HS6ST3: variants seen among roughly 807,000 people sequenced by gnomAD.
The protein encoded by HS6ST3 is heparan sulfate 6-O-sulfotransferase 3.
In HS6ST3, 12 loss-of-function variants were observed where a neutral mutation model predicts 36.7. The observed-to-expected ratio is 0.33, with a 90% CI of 0.21 to 0.53. The LOEUF is 0.53. Ranked by LOEUF, HS6ST3 falls within the 20% of genes least tolerant of loss-of-function variation. The pLI, the probability that HS6ST3 is intolerant of heterozygous loss-of-function variation, is 0.95. For synonymous variants in HS6ST3, 240 were observed against 257.5 expected (o/e 0.93, Z 0.65); for missense variants, 584 against 640.9 (o/e 0.91, Z 0.96).
At chr13:96,275,700 C>T (rs2054744802) in intron 1 of HS6ST3, among the ~76,000 whole-genome samples, 1 of 152,090 alleles carries the variant, frequency 6.6e-6, no homozygotes, top group African/African-American at 2.4e-5. Context: ...TTAAAGCATT[C>T]TTCTTTGAAA....
At position 96,090,757 on chromosome 13, in the gene HS6ST3, C is replaced by G. The variant is rs980608505; in HGVS notation, c.-106C>G. On this transcript the variant is annotated 5_prime_UTR_variant, in exon 1 of 2. Coordinates refer to ENST00000376705, the MANE Select transcript of HS6ST3 (RefSeq NM_153456.4). Reference sequence around the variant, plus strand: ...CGGCGTCAGGGGCATGGAGGAACGGCGGGCTCCGAGCCGCGCCCCGGAGTC... The same window carrying G: ...CGGCGTCAGGGGCATGGAGGAACGGGGGGCTCCGAGCCGCGCCCCGGAGTC... 8.9e-6 allele frequency: 8 copies of G among 898,238 alleles called. No individual in the cohort carries two copies. The highest frequency in any genetic ancestry group is 3.6e-5 in the African/African-American group (2 of 55,480). 55.6% of individuals were successfully genotyped at this position (898,238 alleles called of 1,614,324 possible).
chr13:96,366,270 G>A (rs2055262217), intron 1 of HS6ST3, among the ~76,000 whole-genome samples: 1 of 152,104 alleles, frequency 6.6e-6, no homozygotes, highest in South Asian at 2.1e-4. Flanking sequence ...GAGGTCAGGA[G>A]TTCGAGACCA....
Position 96,305,394 on chromosome 13 carries a change from C to T in HS6ST3, c.707+213825C>T, listed in dbSNP as rs781436565. 1.0e-3 allele frequency among the ~76,000 whole-genome samples: 158 copies of T among 152,146 alleles called. 1 individual carries two copies. The highest frequency in any genetic ancestry group is 4.1e-3 in the Admixed American group (62 of 15,286). On this transcript the variant is annotated intron_variant, in intron 1 of 1. Coordinates refer to ENST00000376705, the MANE Select transcript of HS6ST3 (RefSeq NM_153456.4). ...CAAATTTTTGTTGAAATACAAAGAACATGTAAAATGCATCATTTATGGAGT... is the reference window on the plus strand; with the variant it reads ...CAAATTTTTGTTGAAATACAAAGAATATGTAAAATGCATCATTTATGGAGT...
chr13:96,185,574 ACT>A (rs1239327944), intron 1 of HS6ST3, among the ~76,000 whole-genome samples: 3 of 151,944 alleles, frequency 2.0e-5, no homozygotes, highest in African/African-American at 7.3e-5. Flanking sequence ...GAAAACACAC[ACT>A]CTTATCATTG....
intron 1 of HS6ST3, among the ~76,000 whole-genome samples, chr13:96,391,750 C>A (rs148660363): frequency 6.6e-6 from 1 of 152,218 alleles, no homozygotes; most frequent in East Asian, 1.9e-4. Context: ...CTTGTGAAAC[C>A]CACACACTAT....
At chr13:96,601,755 C>G (rs777587216) in intron 1 of HS6ST3, among the ~76,000 whole-genome samples, 17 of 151,876 alleles carry the variant, frequency 1.1e-4, no homozygotes, top group Non-Finnish European at 1.9e-4. Flanking sequence ...GTGATTATTT[C>G]TTAATTTAGT....
intron 1 of HS6ST3, among the ~76,000 whole-genome samples, chr13:96,832,171 T>C (rs1878812746): frequency 6.6e-6 from 1 of 152,084 alleles, no homozygotes; most frequent in African/African-American, 2.4e-5. Flanking sequence ...AAATGTAAGG[T>C]ATTGTTATTG....
chr13:96,358,872 CT>C (rs2055223042), intron 1 of HS6ST3, among the ~76,000 whole-genome samples: 1 of 60,672 alleles, frequency 1.6e-5, no homozygotes, highest in Non-Finnish European at 3.3e-5. Flanking sequence ...TATATATAAT[CT>C]ATCTATCTAT....
chr13:96,454,051 C>A (rs2055742771), intron 1 of HS6ST3, among the ~76,000 whole-genome samples: 3 of 152,070 alleles, frequency 2.0e-5, no homozygotes, highest in African/African-American at 7.2e-5. Context: ...TCCCTTCTCC[C>A]TCCACCACTC....
At chr13:96,739,700 C>T (rs554535509) in intron 1 of HS6ST3, among the ~76,000 whole-genome samples, 7 of 152,300 alleles carry the variant, frequency 4.6e-5, no homozygotes, top group Non-Finnish European at 8.8e-5. Flanking sequence ...AATTGCAATG[C>T]TCTTTTTAAT....
intron 1 of HS6ST3, among the ~76,000 whole-genome samples, chr13:96,731,661 G>GC (rs1555321406): frequency 4.1e-5 from 6 of 146,674 alleles, no homozygotes; most frequent in Non-Finnish European, 6.1e-5. Context: ...AGTTTGTTTT[G>GC]TTTTTTTTTT....
At chr13:96,520,730 C>T (rs1461002648) in intron 1 of HS6ST3, among the ~76,000 whole-genome samples, 4 of 152,166 alleles carry the variant, frequency 2.6e-5, no homozygotes, top group Non-Finnish European at 5.9e-5. Context: ...TGCTTATCAG[C>T]TTAAGGAGGT....
At chr13:96,190,208 T>G (rs896280865) in intron 1 of HS6ST3, among the ~76,000 whole-genome samples, 1 of 152,204 alleles carries the variant, frequency 6.6e-6, no homozygotes, top group Non-Finnish European at 1.5e-5. Flanking sequence ...CAATAAATAC[T>G]TAGAAGTGTT....
At chr13:96,126,041 T>C (rs2053949316) in intron 1 of HS6ST3, among the ~76,000 whole-genome samples, 1 of 152,216 alleles carries the variant, frequency 6.6e-6, no homozygotes, top group East Asian at 1.9e-4. Flanking sequence ...TAGAACATTT[T>C]AGCCAGTGAC....
At chr13:96,376,375 GC>G (rs2055314980) in intron 1 of HS6ST3, among the ~76,000 whole-genome samples, 1 of 152,158 alleles carries the variant, frequency 6.6e-6, no homozygotes, top group Non-Finnish European at 1.5e-5. Flanking sequence ...ATGCTTGGGA[GC>G]CATTGTACTG....
chr13:96,168,577 A>G (rs566514757), intron 1 of HS6ST3, among the ~76,000 whole-genome samples: 1 of 151,626 alleles, frequency 6.6e-6, no homozygotes, highest in African/African-American at 2.4e-5. Context: ...GGTGGTGTGT[A>G]CCTATAGTCC....
chr13:96,305,243 T>C (rs2054906481), intron 1 of HS6ST3, among the ~76,000 whole-genome samples: 1 of 152,176 alleles, frequency 6.6e-6, no homozygotes, highest in Admixed American at 6.5e-5. Context: ...TCATTCATAA[T>C]TGCTTGATAT....
intron 1 of HS6ST3, among the ~76,000 whole-genome samples, chr13:96,624,827 T>A (rs1416106643): frequency 6.6e-6 from 1 of 152,218 alleles, no homozygotes; most frequent in Non-Finnish European, 1.5e-5. Flanking sequence ...ATTGAATGAA[T>A]ATAACACAAT....
chr13:96,687,326 G>A (rs1874810716), intron 1 of HS6ST3, among the ~76,000 whole-genome samples: 1 of 151,986 alleles, frequency 6.6e-6, no homozygotes, highest in South Asian at 2.1e-4. Flanking sequence ...GAGTTTTCGT[G>A]CTATAACACA....
Sources: allele counts gnomAD v4.1 joint callset (sites outside exome capture counted in the v4.1 genomes callset), GRCh38; gene constraint gnomAD v4.1.1; transcripts MANE v1.5; gene names NCBI Gene and HGNC (gene_info 2026-07-23, HGNC 2026-07-21).